Variants in TMEM131L observed in about 807,000 individuals in gnomAD.
TMEM131L encodes transmembrane 131 like.
A neutral mutation model predicts 192.2 loss-of-function variants in TMEM131L; 54 were observed. The observed-to-expected ratio is 0.28, with a 90% CI of 0.23 to 0.35. The LOEUF (loss-of-function observed/expected upper bound fraction) is 0.35, where lower values mean the gene tolerates loss of function less well. Ranked by LOEUF, TMEM131L falls within the 10% of genes least tolerant of loss-of-function variation. The pLI, the probability that TMEM131L is intolerant of heterozygous loss-of-function variation, is 1.00. For missense variants in TMEM131L, 1,888 were observed against 1,972.9 expected (o/e 0.96, Z 0.82); for synonymous variants, 701 against 704.9 (o/e 0.99, Z 0.09).
chr4:153,634,157 C>G lies in TMEM131L; in HGVS notation c.4329-35C>G, dbSNP rs757156832. 1.6e-5 allele frequency: 25 copies of G among 1,548,752 alleles called. No homozygotes were observed. In the South Asian group the frequency reaches 2.0e-4, roughly 12 times the overall value. On this transcript the variant is annotated intron_variant, in intron 32 of 34. Transcript: ENST00000409959. ...TTTCTTTACTTGATGTCTTGACATCCTGTTTCTGATTAGACCACTTGTTTT... is the reference window on the plus strand; with the variant it reads ...TTTCTTTACTTGATGTCTTGACATCGTGTTTCTGATTAGACCACTTGTTTT...
chr4:153,517,268 T>G (rs903021262), intron 3 of TMEM131L, among the ~76,000 whole-genome samples: 2 of 152,212 alleles, frequency 1.3e-5, no homozygotes, highest in African/African-American at 4.8e-5. Flanking sequence ...GGAGATCACT[T>G]CCTGTGCCGC....
chr4:153,553,504 CA>C (rs1412209207), intron 4 of TMEM131L, among the ~76,000 whole-genome samples: 1 of 150,442 alleles, frequency 6.6e-6, no homozygotes. Flanking sequence ...AATTAGAACA[CA>C]TTTAAGATTA....
At position 153,504,266 on chromosome 4, in the gene TMEM131L, C is replaced by CTTTTTTTTTTTTTT. The variant is rs531620464; in HGVS notation, c.239+30396_239+30409dup. 7.0e-5 allele frequency among the ~76,000 whole-genome samples: 3 copies of CTTTTTTTTTTTTTT among 42,630 alleles called. 1 individual carries two copies. The highest frequency in any genetic ancestry group is 2.6e-4 in the Admixed American group (1 of 3,820). 28.0% of individuals were successfully genotyped at this position (42,630 alleles called of 152,430 possible). A position where few individuals can be genotyped will look rare whatever the true frequency, so the allele number is the denominator to read the frequency against. On this transcript the variant is annotated intron_variant, in intron 3 of 34. Transcript: ENST00000409959. Reference sequence around the variant, plus strand: ...ACGGGCGTGAGCCACCGCGGTCGGCCTTTTTTTTTTTTTTTTTTTTTTTTT... The same window carrying CTTTTTTTTTTTTTT: ...ACGGGCGTGAGCCACCGCGGTCGGCCTTTTTTTTTTTTTTTTTTTTTTTTTTTTTTTTTTTTTTT...
intron 7 of TMEM131L, among the ~76,000 whole-genome samples, chr4:153,564,399 C>A (rs374374705): frequency 1.4e-4 from 22 of 151,782 alleles, no homozygotes; most frequent in Middle Eastern, 3.4e-3. Flanking sequence ...AACCAGCCCT[C>A]ACTAGAATCT....
chr4:153,528,813 G>A (rs1426103796), intron 3 of TMEM131L, among the ~76,000 whole-genome samples: 1 of 152,178 alleles, frequency 6.6e-6, no homozygotes, highest in Non-Finnish European at 1.5e-5. Context: ...CCCTCGGAGA[G>A]TGTGGGCCAC....
chr4:153,478,333 C>T (rs979066884), intron 3 of TMEM131L, among the ~76,000 whole-genome samples: 1 of 152,138 alleles, frequency 6.6e-6, no homozygotes, highest in African/African-American at 2.4e-5. Flanking sequence ...ATTCATTTAC[C>T]TTCTACCTTC....
chr4:153,586,399 A>G lies in TMEM131L; in HGVS notation c.1482+20A>G, dbSNP rs1043999413. 11 of 1,544,152 alleles carry G rather than the reference A, an allele frequency of 7.1e-6. No individual in the cohort carries two copies. The highest frequency in any genetic ancestry group is 2.8e-5 in the African/African-American group (2 of 71,288). ...ACCAAGGTATTTTCTACAATACTAT[A>G]TGTGTGTTACAGTTTTCTTAATTAC... On this transcript the variant is annotated intron_variant, in intron 14 of 34. Transcript: ENST00000409959.
Position 153,602,101 on chromosome 4 carries a change from A to G in TMEM131L, c.2267-51A>G, listed in dbSNP as rs757975161. 2.8e-5 allele frequency: 30 copies of G among 1,070,004 alleles called. No individual in the cohort carries two copies. In the African/African-American group the frequency reaches 4.2e-4, roughly 15 times the overall value. 66.3% of individuals were successfully genotyped at this position (1,070,004 alleles called of 1,614,324 possible). ...ATATCGATCCAATAAATTATTTTAA[A>G]TAAATTTTATAGTTCACATATACTA... On this transcript the variant is annotated intron_variant, in intron 21 of 34. Transcript: ENST00000409959.
intron 3 of TMEM131L, among the ~76,000 whole-genome samples, chr4:153,517,437 T>C (rs1173612523): frequency 6.6e-6 from 1 of 152,206 alleles, no homozygotes; most frequent in Non-Finnish European, 1.5e-5. Flanking sequence ...ACTGTGTTTT[T>C]TATTAAGTCT....
At chr4:153,468,716 C>A (rs1730947952) in intron 2 of TMEM131L, among the ~76,000 whole-genome samples, 1 of 152,050 alleles carries the variant, frequency 6.6e-6, no homozygotes, top group African/African-American at 2.4e-5. Context: ...CACTAGATGC[C>A]AGTGGCACTC....
rs78019201 is a variant in TMEM131L at position 153,589,205 on chromosome 4, C to T, written c.1670+198C>T. Among the ~76,000 whole-genome samples the T allele has an allele frequency of 8.1e-4, 123 of 152,244 alleles. 1 individual carries two copies. The South Asian group carries it at 9.7e-3, about 12-fold the overall frequency. ...TTCACAAATAGAAGATTCATTCTTA[C>T]TGTAAATCTTAGCAGTCTCAGCATA... On this transcript the variant is annotated intron_variant, in intron 16 of 34. Transcript: ENST00000409959.
intron 3 of TMEM131L, among the ~76,000 whole-genome samples, chr4:153,474,460 C>T (rs746313128): frequency 3.9e-5 from 6 of 152,142 alleles, no homozygotes; most frequent in South Asian, 2.1e-4. Context: ...GAAGCCCTGC[C>T]GGCAATCCAG....
At chr4:153,558,389 T>C (rs780408907) in intron 7 of TMEM131L, 21 bp downstream of exon 7, 1 of 1,449,670 alleles carries the variant, frequency 6.9e-7, no homozygotes. Context: ...TAGATTTACT[T>C]TGAATGCTGG....
intron 25 of TMEM131L, among the ~76,000 whole-genome samples, chr4:153,611,149 T>A (rs140117188): frequency 6.6e-6 from 1 of 152,258 alleles, no homozygotes; most frequent in Non-Finnish European, 1.5e-5. Flanking sequence ...TGTTGGCTCC[T>A]CTGCCGATTG....
At chr4:153,585,340 G>T (rs1270928002) in intron 12 of TMEM131L, 118 bp from the exon 13 acceptor site, 1 of 1,015,090 alleles carries the variant, frequency 9.9e-7, no homozygotes, top group Non-Finnish European at 1.5e-6. Flanking sequence ...TGTCTCTGGC[G>T]CTAGCTTTCA....
chr4:153,587,488 T>C (rs1730774643), intron 14 of TMEM131L, among the ~76,000 whole-genome samples: 2 of 152,194 alleles, frequency 1.3e-5, no homozygotes, highest in Admixed American at 6.5e-5. Context: ...GATGGCAGTT[T>C]GGTGTCTTGT....
At chr4:153,532,052 G>A (rs1466892411) in intron 3 of TMEM131L, among the ~76,000 whole-genome samples, 2 of 152,150 alleles carry the variant, frequency 1.3e-5, no homozygotes, top group Non-Finnish European at 2.9e-5. Flanking sequence ...CTAGATGATT[G>A]GAGTCCTTGT....
chr4:153,466,374 A>G lies in TMEM131L; in HGVS notation c.-24A>G, dbSNP rs1276213852. 1.8e-5 allele frequency: 23 copies of G among 1,271,250 alleles called. No homozygotes were observed. The highest frequency in any genetic ancestry group is 2.3e-5 in the Non-Finnish European group (23 of 1,005,668). The allele number at this position is 1,271,250 out of a possible 1,614,324, so 78.7% of individuals were successfully genotyped here. ...GAGCTAGCGGCGAGCGCGGCGAGCA[A>G]CGGAGAGGAGCGCGAGCAGCAGCAT... On this transcript the variant is annotated 5_prime_UTR_variant, in exon 1 of 35. Coordinates refer to ENST00000409959, the MANE Select transcript of TMEM131L (RefSeq NM_001131007.2).
In TMEM131L at chr4:153,603,929, G is replaced by A; in HGVS notation, c.2917G>A (p.Gly973Ser). The A allele has an allele frequency of 6.2e-7, 1 of 1,614,002 alleles. No homozygotes were observed. The highest frequency in any genetic ancestry group is 8.5e-7 in the Non-Finnish European group (1 of 1,179,952). ...TGCAAAGAGGAGCCCAGCCACCTATGGTCATTCTCAGAAGAAGCACAAATG... is the reference window on the plus strand; with the variant it reads ...TGCAAAGAGGAGCCCAGCCACCTATAGTCATTCTCAGAAGAAGCACAAATG... Reference protein sequence around the residue: ...NAAKRSPATYGHSQKKHKCSV... With the variant: ...NAAKRSPATYSHSQKKHKCSV... The change falls in exon 25 of 35, where the codon GGT (glycine) becomes AGT (serine). Residue 973 changes from glycine to serine, a missense_variant. By Grantham distance (56) the Gly-to-Ser change is moderately conservative. Coordinates refer to ENST00000409959, the MANE Select transcript of TMEM131L (RefSeq NM_001131007.2).
Sources: gnomAD v4.1 joint callset for allele counts (sites outside exome capture counted in the v4.1 genomes callset) on GRCh38, gnomAD v4.1.1 for gene constraint, MANE v1.5 for transcripts, NCBI Gene and HGNC (gene_info 2026-07-23, HGNC 2026-07-21) for gene names.